The following BBS12 variants were observed in gnomAD, a reference collection of about 807,000 sequenced individuals.
The protein encoded by BBS12 is chaperonin-containing T-complex member BBS12.
Under a neutral mutation model 5.6 loss-of-function variants are expected in BBS12, and 5 were observed. The observed-to-expected ratio is 0.89, with a 90% CI of 0.46 to 1.86. BBS12 has a LOEUF of 1.86. BBS12 is among the 40% of genes most tolerant of loss of function. The pLI is 0.01. For missense variants in BBS12, 748 were observed against 830.4 expected (o/e 0.90, Z 1.22); for synonymous variants, 308 against 306.8 (o/e 1.00, Z -0.04).
At chr4:122,706,330 C>A in the BBS12 span, among the ~76,000 whole-genome samples, 2 of 152,324 alleles carry the variant, frequency 1.3e-5, no homozygotes, top group African/African-American at 4.8e-5. Context: ...AATTCTCCAT[C>A]TCAAAATACT....
At chr4:122,714,023 G>C in the BBS12 span, among the ~76,000 whole-genome samples, 1 of 152,300 alleles carries the variant, frequency 6.6e-6, no homozygotes, top group East Asian at 1.9e-4. Context: ...GCTATGGACT[G>C]AATTGTGTCC....
chr4:122,714,995 A>G, the BBS12 span, among the ~76,000 whole-genome samples: 1 of 152,074 alleles, frequency 6.6e-6, no homozygotes, highest in Non-Finnish European at 1.5e-5. Flanking sequence ...AACACCAGAT[A>G]CCCGATGAGA....
At position 122,743,434 on chromosome 4, in the gene BBS12, C is replaced by A. The variant is rs745341856; in HGVS notation, c.1542C>A (p.Ile514=). ...LTNPVTAQMQ[I]KEDRFWTCAY... is the part of the protein sequence containing the mutation. The stretch of plus-strand genomic sequence containing the variant: ...ACCCAGTTACTGCACAGATGCAAAT[C>A]AAAGAAGATAGGTTCTGGACATGTG... The change falls in exon 2 of 2, where the codon ATC becomes ATA. Residue 514 remains isoleucine, a synonymous_variant. Coordinates refer to ENST00000314218, the MANE Select transcript of BBS12 (RefSeq NM_152618.3). 4 of 1,614,154 alleles carry A rather than the reference C, an allele frequency of 2.5e-6. No individual in the cohort carries two copies. In the South Asian group the frequency reaches 4.4e-5, roughly 18 times the overall value.
chr4:122,740,209 G>C (rs1297925717), intron 1 of BBS12, among the ~76,000 whole-genome samples: 8 of 152,130 alleles, frequency 5.3e-5, no homozygotes. Context: ...GGAGGTCGAG[G>C]CTGCAGTGAG....
chr4:122,702,751 A>G, the BBS12 span, among the ~76,000 whole-genome samples: 1 of 152,206 alleles, frequency 6.6e-6, no homozygotes, highest in Non-Finnish European at 1.5e-5. Flanking sequence ...ATCATGGCCA[A>G]CCAAGAAGAG....
At chr4:122,711,892 C>A in the BBS12 span, among the ~76,000 whole-genome samples, 44 of 152,250 alleles carry the variant, frequency 2.9e-4, no homozygotes, top group East Asian at 8.3e-3. Flanking sequence ...AGTGGATTAA[C>A]CAGGTGTGGG....
upstream of BBS12, among the ~76,000 whole-genome samples, chr4:122,727,947 A>T (rs548633128): frequency 6.6e-6 from 1 of 152,258 alleles, no homozygotes; most frequent in East Asian, 1.9e-4. Context: ...GTGAAAAAAC[A>T]CTCAATGCCT....
upstream of BBS12, chr4:122,729,427 C>G (rs1800669652): frequency 6.6e-6 from 1 of 152,158 alleles, no homozygotes; most frequent in African/African-American, 2.4e-5. Flanking sequence ...TCACAAGAGT[C>G]ACAGAATTGA....
At chr4:122,722,825 C>CTAA in the BBS12 span, among the ~76,000 whole-genome samples, 4 of 152,088 alleles carry the variant, frequency 2.6e-5, no homozygotes, top group Admixed American at 2.6e-4. Flanking sequence ...CCTTTCCAGT[C>CTAA]TTTATGTATA....
At chr4:122,730,026 T>C (rs961408334), upstream of BBS12, 5 of 152,210 alleles carry the variant, frequency 3.3e-5, no homozygotes, top group African/African-American at 9.7e-5. Flanking sequence ...GTGCTCACTA[T>C]AGAGTCAAAC....
chr4:122,722,563 A>G, the BBS12 span, among the ~76,000 whole-genome samples: 1 of 152,148 alleles, frequency 6.6e-6, no homozygotes, highest in South Asian at 2.1e-4. Context: ...TGTCTTCTTT[A>G]GTTTCTCTCA....
the BBS12 span, among the ~76,000 whole-genome samples, chr4:122,708,988 G>A: frequency 1.3e-5 from 2 of 151,986 alleles, no homozygotes; most frequent in Non-Finnish European, 2.9e-5. Context: ...GATGAAAAAA[G>A]CATGTGCCTA....
chr4:122,718,883 A>G, the BBS12 span, among the ~76,000 whole-genome samples: 1 of 152,266 alleles, frequency 6.6e-6, no homozygotes, highest in Non-Finnish European at 1.5e-5. Context: ...CAGTGGCACA[A>G]TCTCGGCTCA....
the BBS12 span, among the ~76,000 whole-genome samples, chr4:122,727,645 C>T: frequency 8.0e-5 from 12 of 149,264 alleles, no homozygotes; most frequent in East Asian, 6.0e-4. Context: ...CCTCCGCCTC[C>T]GGGGTTCAAA....
chr4:122,740,939 G>C (rs998288682), intron 1 of BBS12, among the ~76,000 whole-genome samples: 15 of 152,120 alleles, frequency 9.9e-5, no homozygotes, highest in Admixed American at 3.3e-4. Flanking sequence ...TACATAACTT[G>C]CTGAGGGCTA....
chr4:122,704,553 G>T, the BBS12 span, among the ~76,000 whole-genome samples: 1 of 152,068 alleles, frequency 6.6e-6, no homozygotes, highest in Non-Finnish European at 1.5e-5. Flanking sequence ...AAACCCTCTT[G>T]CCAGGCAGGA....
chr4:122,719,395 C>T, the BBS12 span, among the ~76,000 whole-genome samples: 8 of 152,100 alleles, frequency 5.3e-5, no homozygotes, highest in African/African-American at 1.7e-4. Context: ...CCACTCGGGT[C>T]GGCTTCCACG....
Position 122,744,094 on chromosome 4 carries a change from G to A in BBS12, c.*69G>A. ...CATGCTAATAATAAATATATTGATA[G>A]CCAAGTCATGGTGCCTAAAATGCCA... On this transcript the variant is annotated 3_prime_UTR_variant, in exon 2 of 2. Transcript: ENST00000314218. 6.7e-7 allele frequency: 1 copy of A among 1,503,264 alleles called. No individual in the cohort carries two copies. Among genetic ancestry groups the A allele is most frequent in the Non-Finnish European group, 9.2e-7 (1 of 1,084,338 alleles). The allele number at this position is 1,503,264 out of a possible 1,614,324, so 93.1% of individuals were successfully genotyped here.
the BBS12 span, among the ~76,000 whole-genome samples, chr4:122,707,943 C>CCCTTCCTTCCTTCCTTCATTCCTTCCTT: frequency 7.0e-6 from 1 of 143,124 alleles, no homozygotes; most frequent in Admixed American, 7.1e-5. Context: ...ACACTCCTTT[C>CCCTTCCTTCCTTCCTTCATTCCTTCCTT]CCTTCCTTCC....
Sources: allele counts gnomAD v4.1 joint callset (sites outside exome capture counted in the v4.1 genomes callset), GRCh38; gene constraint gnomAD v4.1.1; transcripts MANE v1.5; gene names NCBI Gene and HGNC (gene_info 2026-07-23, HGNC 2026-07-21).